The following LCE1F variants were observed in gnomAD, a reference collection of about 807,000 sequenced individuals.
LCE1F encodes the protein late cornified envelope protein 1F.
For missense variants in LCE1F, 154 were observed against 153.5 expected (o/e 1.00, Z -0.02); for synonymous variants, 67 against 59.9 (o/e 1.12, Z -0.55).
intron 1 of LCE1F, among the ~76,000 whole-genome samples, chr1:152,775,669 A>T (rs1651559219): frequency 6.6e-6 from 1 of 152,214 alleles, no homozygotes; most frequent in African/African-American, 2.4e-5. Flanking sequence ...GTAGTGGAAA[A>T]CTGAGTGCAC....
intron 1 of LCE1F, 106 bp from the exon 2 acceptor site, chr1:152,776,244 G>A (rs1651586752): frequency 4.0e-6 from 4 of 994,392 alleles, no homozygotes; most frequent in Non-Finnish European, 6.1e-6. Flanking sequence ...TCCTATGTTT[G>A]ATATAAGGCT....
In LCE1F at chr1:152,776,590, C is replaced by T. The variant is rs200400135; in HGVS notation, c.219C>T (p.Gly73=). The T allele has an allele frequency of 4.2e-5, 65 of 1,532,270 alleles. No individual in the cohort carries two copies. The highest frequency in any genetic ancestry group is 2.8e-4 in the East Asian group (12 of 42,882). 94.9% of individuals were successfully genotyped at this position (1,532,270 alleles called of 1,614,324 possible). Reference sequence around the variant, plus strand: ...GTGGCTGCTGCAGCTCTGGGGGAGGCGGCTGTTGCCTGAGCCACCACAGAC... The same window carrying T: ...GTGGCTGCTGCAGCTCTGGGGGAGGTGGCTGTTGCCTGAGCCACCACAGAC... ...GGGGCCSSGG[G]GCCLSHHRRR... is the part of the protein sequence containing the mutation. The change falls in exon 2 of 2, where the codon GGC becomes GGT. Residue 73 remains glycine (G), a synonymous_variant. Coordinates refer to ENST00000334371, the MANE Select transcript of LCE1F (RefSeq NM_178354.3).
intron 1 of LCE1F, 27 bp from the exon 2 acceptor site, chr1:152,776,323 C>T: frequency 5.7e-6 from 9 of 1,591,628 alleles, no homozygotes; most frequent in Non-Finnish European, 7.8e-6. Flanking sequence ...CTGCCTCCAT[C>T]TAACTTGCTG....
At chr1:152,775,963 T>TTTTTTTTTGAGACGGAGTCTCGCTCTG (rs1281984856) in intron 1 of LCE1F, among the ~76,000 whole-genome samples, 1 of 152,212 alleles carries the variant, frequency 6.6e-6, no homozygotes, top group African/African-American at 2.4e-5. Flanking sequence ...ATTTTGATTT[T>TTTTTTTTTGAGACGGAGTCTCGCTCTG]TCCTTAAAGA....
chr1:152,775,361 A>G (rs1240143927), intron 1 of LCE1F, among the ~76,000 whole-genome samples, 171 bp downstream of exon 1: 5 of 149,094 alleles, frequency 3.4e-5, no homozygotes, highest in Admixed American at 3.3e-4. Flanking sequence ...TGGAAAGAGG[A>G]GGTAGAGGGG....
chr1:152,776,928 C>T lies in LCE1F; in HGVS notation c.*200C>T, dbSNP rs1270689328. On this transcript the variant is annotated 3_prime_UTR_variant, in exon 2 of 2. Coordinates refer to ENST00000334371, the MANE Select transcript of LCE1F (RefSeq NM_178354.3). ...CCTCTGATTCCATCTGTGCGCCTGG[C>T]CTGGGAATACCAAATAGAAGTCCTT... 6.6e-6 allele frequency among the ~76,000 whole-genome samples: 1 copy of T among 152,206 alleles called. No individual in the cohort carries two copies. The highest frequency in any genetic ancestry group is 1.5e-5 in the Non-Finnish European group (1 of 68,032).
At position 152,776,769 on chromosome 1, in the gene LCE1F, A is replaced by G. The variant is rs1651621803; in HGVS notation, c.*41A>G. 1 of 1,512,112 alleles carries G rather than the reference A, an allele frequency of 6.6e-7. No homozygotes were observed. Among genetic ancestry groups the G allele is most frequent in the Non-Finnish European group, 8.8e-7 (1 of 1,130,556 alleles). 93.7% of individuals were successfully genotyped at this position (1,512,112 alleles called of 1,614,324 possible). A position where few individuals can be genotyped will look rare whatever the true frequency, so the allele number is the denominator to read the frequency against. On this transcript the variant is annotated 3_prime_UTR_variant, in exon 2 of 2. Coordinates refer to ENST00000334371, the MANE Select transcript of LCE1F (RefSeq NM_178354.3). Reference sequence around the variant, plus strand: ...TAAAAGAGCAGATTTAGAGGCATGAAAGGGGCAACTTCATCTTCCTTGGGA... The same window carrying G: ...TAAAAGAGCAGATTTAGAGGCATGAGAGGGGCAACTTCATCTTCCTTGGGA...
In LCE1F at chr1:152,776,845, A is replaced by G; in HGVS notation, c.*117A>G. On this transcript the variant is annotated 3_prime_UTR_variant, in exon 2 of 2. Transcript: ENST00000334371. ...GTAAAGATTTCAAACTCTGTCCTGG[A>G]AGATTCCTCCGACCTAGAATCCAGA... 8.0e-7 allele frequency: 1 copy of G among 1,253,010 alleles called. No homozygotes were observed. Among genetic ancestry groups the G allele is most frequent in the East Asian group, 2.5e-5 (1 of 40,684 alleles). 77.6% of individuals were successfully genotyped at this position (1,253,010 alleles called of 1,614,324 possible).
At chr1:152,776,099 A>G (rs1651583547) in intron 1 of LCE1F, among the ~76,000 whole-genome samples, 1 of 152,206 alleles carries the variant, frequency 6.6e-6, no homozygotes, top group South Asian at 2.1e-4. Flanking sequence ...GGAGCTTTTA[A>G]TGAGCAGAAA....
Position 152,776,537 on chromosome 1 carries a change from T to A in LCE1F, c.166T>A (p.Ser56Thr). The A allele has an allele frequency of 3.7e-6, 6 of 1,606,972 alleles. No homozygotes were observed. The highest frequency in any genetic ancestry group is 5.1e-6 in the Non-Finnish European group (6 of 1,174,698). ...VSSGGCCGSS[S>T]GGCCSSGGGG... is the part of the protein sequence containing the mutation. ...CTCCGGAGGCTGCTGTGGCTCCAGC[T>A]CTGGGGGCTGCTGCAGCTCTGGGGG... Residue 56 changes from serine to threonine, a missense_variant, in exon 2 of 2, where the codon TCT becomes ACT. Physicochemically the swap from Ser to Thr is moderately conservative, Grantham distance 58. Transcript: ENST00000334371.
intron 1 of LCE1F, 73 bp from the exon 2 acceptor site, chr1:152,776,277 T>C (rs1239602951): frequency 3.1e-6 from 4 of 1,300,234 alleles, no homozygotes; most frequent in Non-Finnish European, 2.2e-6. Context: ...GATCTAGAAA[T>C]AATGCAGAAA....
At chr1:152,775,220 G>C (rs1181175189) in intron 1 of LCE1F, among the ~76,000 whole-genome samples, 30 bp downstream of exon 1, 1 of 152,204 alleles carries the variant, frequency 6.6e-6, no homozygotes, top group Non-Finnish European at 1.5e-5. Context: ...AGGAGCAGGG[G>C]CTTCCACAGA....
rs905959626 is a variant in LCE1F, at chr1:152,776,941, A to G, written c.*213A>G. On this transcript the variant is annotated 3_prime_UTR_variant, in exon 2 of 2. Coordinates refer to ENST00000334371, the MANE Select transcript of LCE1F (RefSeq NM_178354.3). ...CTGTGCGCCTGGCCTGGGAATACCAAATAGAAGTCCTTGCCTCATTCCCCT... is the reference window on the plus strand; with the variant it reads ...CTGTGCGCCTGGCCTGGGAATACCAGATAGAAGTCCTTGCCTCATTCCCCT... Among the ~76,000 whole-genome samples the G allele has an allele frequency of 1.3e-5, 2 of 152,202 alleles. No individual in the cohort carries two copies. Among genetic ancestry groups the G allele is most frequent in the Non-Finnish European group, 2.9e-5 (2 of 68,030 alleles).
At chr1:152,775,889 T>C (rs1199822397) in intron 1 of LCE1F, among the ~76,000 whole-genome samples, 2 of 151,512 alleles carry the variant, frequency 1.3e-5, no homozygotes, top group Non-Finnish European at 2.9e-5. Context: ...TCCAACATCC[T>C]TTGCGGTTAT....
In LCE1F at chr1:152,775,549, A is replaced by G. The variant is rs555701924; in HGVS notation, c.-23+359A>G. 9.2e-5 allele frequency among the ~76,000 whole-genome samples: 14 copies of G among 152,316 alleles called. No homozygotes were observed. The East Asian group carries it at 2.7e-3, about 29-fold the overall frequency. Reference sequence around the variant, plus strand: ...CTGCATAGTGGGAATATAATTTTGGAAATACAGACATACTCACTTTTAGAA... The same window carrying G: ...CTGCATAGTGGGAATATAATTTTGGGAATACAGACATACTCACTTTTAGAA... On this transcript the variant is annotated intron_variant, in intron 1 of 1. Transcript: ENST00000334371.
At chr1:152,776,286 A>G in intron 1 of LCE1F, 64 bp from the exon 2 acceptor site, 1 of 1,375,180 alleles carries the variant, frequency 7.3e-7, no homozygotes, top group Non-Finnish European at 1.0e-6. Flanking sequence ...ATAATGCAGA[A>G]AGGACAAGAA....
rs773147948 is a variant in LCE1F, at chr1:152,775,157, G to A, written c.-56G>A. Among the ~76,000 whole-genome samples, 158 of 152,320 alleles carry A rather than the reference G, an allele frequency of 1.0e-3. 3 individuals are homozygous for A. Among genetic ancestry groups the A allele is most frequent in the Non-Finnish European group, 1.6e-4 (11 of 68,036 alleles). On this transcript the variant is annotated 5_prime_UTR_variant, in exon 1 of 2. Transcript: ENST00000334371. The stretch of plus-strand genomic sequence containing the variant: ...AGCATCCCATCCACTCACCTCCTGC[G>A]GTGCTGAAGAACCCTGTGCTGCCTG...
intron 1 of LCE1F, among the ~76,000 whole-genome samples, chr1:152,775,867 G>A (rs1457810215): frequency 1.3e-5 from 2 of 152,024 alleles, no homozygotes; most frequent in Admixed American, 6.5e-5. Flanking sequence ...GAGTTGGTTG[G>A]AACAAATTGA....
At position 152,776,774 on chromosome 1, in the gene LCE1F, G is replaced by A. The variant is rs1481027546; in HGVS notation, c.*46G>A. ...GAGCAGATTTAGAGGCATGAAAGGG[G>A]CAACTTCATCTTCCTTGGGACTGAC... On this transcript the variant is annotated 3_prime_UTR_variant, in exon 2 of 2. Transcript: ENST00000334371. The A allele has an allele frequency of 8.0e-6, 12 of 1,509,004 alleles. No individual in the cohort carries two copies. In the South Asian group the frequency reaches 1.5e-4, roughly 19 times the overall value. The allele number at this position is 1,509,004 out of a possible 1,614,324, so 93.5% of individuals were successfully genotyped here. A position where few individuals can be genotyped will look rare whatever the true frequency, so the allele number is the denominator to read the frequency against.
Sources: allele counts gnomAD v4.1 joint callset (sites outside exome capture counted in the v4.1 genomes callset), GRCh38; gene constraint gnomAD v4.1.1; transcripts MANE v1.5; gene names NCBI Gene and HGNC (gene_info 2026-07-23, HGNC 2026-07-21).